The following GRIK2 variants were observed in gnomAD, a reference collection of about 807,000 sequenced individuals.
The protein encoded by GRIK2 is glutamate ionotropic receptor kainate type subunit 2.
Under a neutral mutation model 100.3 loss-of-function variants are expected in GRIK2, and 32 were observed. That is an observed-to-expected ratio of 0.32 (90% CI 0.24 to 0.43). GRIK2 has a LOEUF of 0.43. Ranked by LOEUF, GRIK2 falls within the 20% of genes least tolerant of loss-of-function variation. The probability of loss-of-function intolerance (pLI) is 1.00; values close to 1 mark genes in which losing one functional copy is unlikely to be tolerated. For synonymous variants in GRIK2, 417 were observed against 389.4 expected, an observed-to-expected ratio of 1.07 and a Z score of -0.83; for missense variants, 843 against 1,114.9, an observed-to-expected ratio of 0.76 and a Z score of 3.47.
chr6:101,646,262 A>T (rs1242743486), intron 4 of GRIK2, among the ~76,000 whole-genome samples: 1 of 151,958 alleles, frequency 6.6e-6, no homozygotes, highest in Non-Finnish European at 1.5e-5. Context: ...CTATATTCTG[A>T]CACAACTACA....
At chr6:101,895,682 G>C (rs1350367971) in intron 12 of GRIK2, among the ~76,000 whole-genome samples, 2 of 151,716 alleles carry the variant, frequency 1.3e-5, no homozygotes. Context: ...TTTGTTGTTT[G>C]TCTTTGCCAC....
At chr6:101,626,061 A>C (rs1356647736) in intron 3 of GRIK2, among the ~76,000 whole-genome samples, 1 of 152,052 alleles carries the variant, frequency 6.6e-6, no homozygotes, top group Non-Finnish European at 1.5e-5. Flanking sequence ...CCCTCATATA[A>C]ACTAGTCTTC....
chr6:101,989,377 T>C (rs1304192586), intron 14 of GRIK2, among the ~76,000 whole-genome samples: 1 of 151,778 alleles, frequency 6.6e-6, no homozygotes, highest in Non-Finnish European at 1.5e-5. Context: ...AAGGTATTTA[T>C]TAATTAAGTT....
intron 2 of GRIK2, among the ~76,000 whole-genome samples, chr6:101,550,722 A>C (rs1394274913): frequency 1.3e-5 from 2 of 152,192 alleles, no homozygotes; most frequent in Non-Finnish European, 2.9e-5. Flanking sequence ...AGTGAATAGC[A>C]TGTGCCTGCA....
intron 2 of GRIK2, among the ~76,000 whole-genome samples, chr6:101,473,268 T>C (rs1016604723): frequency 1.3e-5 from 2 of 151,572 alleles, no homozygotes; most frequent in African/African-American, 4.8e-5. Flanking sequence ...TTTAAAAATG[T>C]GGATTAAATG....
chr6:101,823,058 T>A (rs1782058491), intron 10 of GRIK2, among the ~76,000 whole-genome samples: 2 of 152,332 alleles, frequency 1.3e-5, no homozygotes, highest in East Asian at 3.9e-4. Context: ...ATTTTTTCTC[T>A]ACGGAGAACA....
intron 15 of GRIK2, among the ~76,000 whole-genome samples, chr6:102,037,670 T>C (rs1029912812): frequency 4.6e-5 from 7 of 151,406 alleles, no homozygotes; most frequent in Non-Finnish European, 1.0e-4. Flanking sequence ...TTCACAATTA[T>C]ATTGCTGAGA....
At chr6:101,470,233 C>A (rs1160405010) in intron 2 of GRIK2, among the ~76,000 whole-genome samples, 1 of 152,174 alleles carries the variant, frequency 6.6e-6, no homozygotes, top group African/African-American at 2.4e-5. Context: ...GTTAGCAGCT[C>A]CACAACCCCT....
chr6:101,622,467 A>T (rs1780211812), intron 3 of GRIK2, among the ~76,000 whole-genome samples: 1 of 152,020 alleles, frequency 6.6e-6, no homozygotes, highest in Admixed American at 6.6e-5. Context: ...CTTTATTTGC[A>T]TTATCTTTCA....
chr6:101,483,696 C>G (rs563776217), intron 2 of GRIK2, among the ~76,000 whole-genome samples: 1 of 152,194 alleles, frequency 6.6e-6, no homozygotes, highest in Non-Finnish European at 1.5e-5. Flanking sequence ...CTGCCTCAGC[C>G]TCCTGAGTAG....
At chr6:101,825,224 A>C (rs1782242117) in intron 10 of GRIK2, among the ~76,000 whole-genome samples, 2 of 152,150 alleles carry the variant, frequency 1.3e-5, no homozygotes, top group African/African-American at 4.8e-5. Flanking sequence ...CCATTCCTAC[A>C]ATCAGCTTGT....
chr6:101,896,206 T>C (rs941668522), intron 12 of GRIK2, among the ~76,000 whole-genome samples: 3 of 151,768 alleles, frequency 2.0e-5, no homozygotes, highest in African/African-American at 4.8e-5. Context: ...TGAAACTAAG[T>C]TGAATCAATG....
chr6:101,510,780 C>T (rs1774274637), intron 2 of GRIK2, among the ~76,000 whole-genome samples: 1 of 151,742 alleles, frequency 6.6e-6, no homozygotes, highest in Admixed American at 6.6e-5. Flanking sequence ...CCTCAGCCTC[C>T]CAAAGTGCTG....
intron 2 of GRIK2, among the ~76,000 whole-genome samples, chr6:101,587,174 A>G (rs982684833): frequency 6.6e-6 from 1 of 152,096 alleles, no homozygotes; most frequent in African/African-American, 2.4e-5. Flanking sequence ...AAAAAGAACA[A>G]AATAGAACTG....
intron 2 of GRIK2, among the ~76,000 whole-genome samples, chr6:101,618,921 T>C (rs1347005127): frequency 6.6e-6 from 1 of 150,846 alleles, no homozygotes; most frequent in African/African-American, 2.4e-5. Context: ...ATTTTTATCT[T>C]AATAAAGTCT....
chr6:101,516,497 C>A (rs748627974), intron 2 of GRIK2, among the ~76,000 whole-genome samples: 7 of 151,970 alleles, frequency 4.6e-5, no homozygotes, highest in Admixed American at 1.3e-4. Context: ...AAAGGGCACC[C>A]TTTTTAACAA....
intron 10 of GRIK2, 25 bp downstream of exon 10, chr6:101,818,508 CTTAG>C: frequency 1.6e-6 from 2 of 1,272,420 alleles, no homozygotes; most frequent in Non-Finnish European, 2.3e-6. Context: ...TTCCATTATT[CTTAG>C]TTAAATGTAG....
chr6:101,792,743 G>T (rs1349800385), intron 7 of GRIK2, among the ~76,000 whole-genome samples: 14 of 152,022 alleles, frequency 9.2e-5, no homozygotes, highest in Non-Finnish European at 7.4e-5. Flanking sequence ...TCCTGAATCT[G>T]AATGTTGGCC....
chr6:101,854,781 T>TGCTAG (rs1290511195), intron 10 of GRIK2, among the ~76,000 whole-genome samples: 4 of 152,160 alleles, frequency 2.6e-5, no homozygotes, highest in Admixed American at 1.3e-4. Context: ...ACCTACTATA[T>TGCTAG]GCTAGGCATT....
Sources: gnomAD v4.1 joint callset for allele counts (sites outside exome capture counted in the v4.1 genomes callset) on GRCh38, gnomAD v4.1.1 for gene constraint, MANE v1.5 for transcripts, NCBI Gene and HGNC (gene_info 2026-07-23, HGNC 2026-07-21) for gene names.